GPR158: variants seen among roughly 807,000 people sequenced by gnomAD.
GPR158 encodes the protein G protein-coupled receptor 158, also known as metabotropic glycine receptor.
In GPR158, 30 loss-of-function variants were observed where a neutral mutation model predicts 78.2. The ratio of observed to expected loss-of-function variants is 0.38; its 90% CI spans 0.29 to 0.52. The LOEUF (loss-of-function observed/expected upper bound fraction) is 0.52, where lower values mean the gene tolerates loss of function less well. Ranked by LOEUF, GPR158 falls within the 20% of genes least tolerant of loss-of-function variation. The probability of loss-of-function intolerance (pLI) is 0.83; values close to 1 mark genes in which losing one functional copy is unlikely to be tolerated. For missense variants in GPR158, 1,463 were observed against 1,523.5 expected (o/e 0.96, Z 0.66); for synonymous variants, 581 against 591.1 (o/e 0.98, Z 0.25).
chr10:25,332,081 G>A (rs939320880), intron 2 of GPR158, among the ~76,000 whole-genome samples: 2 of 151,926 alleles, frequency 1.3e-5, no homozygotes, highest in South Asian at 2.1e-4. Flanking sequence ...GTTAAACTTG[G>A]AGATTCCTAG....
chr10:25,569,587 C>G (rs539096961), intron 6 of GPR158, among the ~76,000 whole-genome samples: 2 of 152,282 alleles, frequency 1.3e-5, no homozygotes, highest in East Asian at 3.9e-4. Flanking sequence ...TATTGAGAAC[C>G]AAACTTTGCT....
intron 1 of GPR158, among the ~76,000 whole-genome samples, chr10:25,177,669 G>A (rs575966220): frequency 6.6e-6 from 1 of 152,124 alleles, no homozygotes; most frequent in South Asian, 2.1e-4. Flanking sequence ...GTCCAGTGAG[G>A]GAGTTGAACT....
intron 8 of GPR158, among the ~76,000 whole-genome samples, chr10:25,591,805 T>C (rs1287856111): frequency 6.6e-6 from 1 of 152,094 alleles, no homozygotes; most frequent in Non-Finnish European, 1.5e-5. Flanking sequence ...AATCACAGCA[T>C]ATATTAGCTA....
intron 5 of GPR158, among the ~76,000 whole-genome samples, chr10:25,536,067 G>A (rs933568334): frequency 3.9e-5 from 6 of 152,128 alleles, no homozygotes; most frequent in Admixed American, 1.3e-4. Flanking sequence ...GTAAAGCCTA[G>A]CCTGGCATTT....
intron 8 of GPR158, among the ~76,000 whole-genome samples, chr10:25,589,858 C>T (rs1424313104): frequency 6.6e-6 from 1 of 152,162 alleles, no homozygotes; most frequent in East Asian, 1.9e-4. Context: ...AAATGAAACT[C>T]TCAGGGCAGA....
At chr10:25,257,796 G>A (rs1048147903) in intron 2 of GPR158, among the ~76,000 whole-genome samples, 4 of 152,106 alleles carry the variant, frequency 2.6e-5, no homozygotes, top group African/African-American at 4.8e-5. Context: ...ACATGGGTCC[G>A]TTCTCATATG....
chr10:25,316,075 A>G (rs66669578), intron 2 of GPR158, among the ~76,000 whole-genome samples: 30,706 of 152,002 alleles, frequency 0.2, 5,228 homozygotes, highest in African/African-American at 0.47. Context: ...GTCTTGCTTT[A>G]TGTGTTGCTT....
At chr10:25,340,882 A>C (rs965904322) in intron 2 of GPR158, among the ~76,000 whole-genome samples, 7 of 152,054 alleles carry the variant, frequency 4.6e-5, no homozygotes, top group Non-Finnish European at 1.0e-4. Flanking sequence ...AAGAAGTACT[A>C]TTAACTCCAA....
chr10:25,572,091 A>G (rs1837016665), intron 6 of GPR158, among the ~76,000 whole-genome samples: 1 of 152,190 alleles, frequency 6.6e-6, no homozygotes, highest in Non-Finnish European at 1.5e-5. Context: ...ACAACCACTT[A>G]CTTTCAGGAC....
At chr10:25,594,987 A>G (rs1321459594) in intron 9 of GPR158, among the ~76,000 whole-genome samples, 1 of 152,066 alleles carries the variant, frequency 6.6e-6, no homozygotes, top group East Asian at 1.9e-4. Context: ...GTGATATAAT[A>G]GTAAGGCTTC....
chr10:25,366,813 T>C (rs1466331819), intron 2 of GPR158, among the ~76,000 whole-genome samples: 1 of 146,660 alleles, frequency 6.8e-6, no homozygotes, highest in East Asian at 2.0e-4. Context: ...TTGATTAAAT[T>C]TTTTTTGATG....
rs1035933429 is a variant in GPR158 at position 25,483,231 on chromosome 10, C to G, written c.1404+16512C>G. Among the ~76,000 whole-genome samples, 6 of 151,932 alleles carry G rather than the reference C, an allele frequency of 3.9e-5. No homozygotes were observed. The East Asian group carries it at 5.8e-4, about 15-fold the overall frequency. ...TTCATTCAGAATGAAACCTAGAGAC[C>G]GAAAAGACCTTCATGATCTGCTCCT... is the stretch of plus-strand genomic sequence containing the variant. On this transcript the variant is annotated intron_variant, in intron 5 of 10. Transcript: ENST00000376351.
chr10:25,505,335 T>C (rs967012262), intron 5 of GPR158, among the ~76,000 whole-genome samples: 2 of 152,206 alleles, frequency 1.3e-5, no homozygotes, highest in Non-Finnish European at 2.9e-5. Context: ...CTCCTTAACA[T>C]AAAGGCAGAC....
chr10:25,598,485 T>C lies in GPR158; in HGVS notation c.2859T>C (p.Thr953=), dbSNP rs777739996. ...ACTCAAATTCTGATAACACAGAGAC[T>C]AAAGATCCTGCCCCCCAAAACTCAA... ...RNHSNSDNTE[T]KDPAPQNSNP... The change falls in exon 11 of 11, where the codon ACT becomes ACC. Residue 953 remains threonine (T), a synonymous_variant. Transcript: ENST00000376351. The C allele has an allele frequency of 1.9e-5, 31 of 1,613,916 alleles. No homozygotes were observed. In the East Asian group the frequency reaches 5.3e-4, roughly 28 times the overall value.
intron 5 of GPR158, among the ~76,000 whole-genome samples, chr10:25,544,534 A>G (rs1276433242): frequency 6.6e-6 from 1 of 152,112 alleles, no homozygotes; most frequent in African/African-American, 2.4e-5. Flanking sequence ...TGTAGCTATT[A>G]TTGTTATTGG....
intron 2 of GPR158, among the ~76,000 whole-genome samples, chr10:25,233,822 AAG>A (rs1237429371): frequency 1.3e-5 from 2 of 152,230 alleles, no homozygotes; most frequent in South Asian, 2.1e-4. Context: ...TAAATGCAGA[AAG>A]AGAGAGAGGA....
At chr10:25,322,038 G>A (rs77060942) in intron 2 of GPR158, among the ~76,000 whole-genome samples, 5,686 of 152,122 alleles carry the variant, frequency 0.037, 126 homozygotes, top group South Asian at 0.074. Flanking sequence ...GTTCAAATTT[G>A]AGTATATTCA....
chr10:25,346,997 T>C (rs894366916), intron 2 of GPR158, among the ~76,000 whole-genome samples: 4 of 151,946 alleles, frequency 2.6e-5, no homozygotes, highest in Admixed American at 2.6e-4. Flanking sequence ...ATCTTTAAAA[T>C]AGTAATTTTT....
intron 5 of GPR158, among the ~76,000 whole-genome samples, chr10:25,537,914 T>G (rs1461414238): frequency 6.6e-6 from 1 of 152,180 alleles, no homozygotes; most frequent in Non-Finnish European, 1.5e-5. Flanking sequence ...CCAGCCATGC[T>G]TCCTGTAGAG....
Sources: gnomAD v4.1 joint callset for allele counts (sites outside exome capture counted in the v4.1 genomes callset) on GRCh38, gnomAD v4.1.1 for gene constraint, MANE v1.5 for transcripts, NCBI Gene and HGNC (gene_info 2026-07-23, HGNC 2026-07-21) for gene names.